TNIP1: variants seen among roughly 807,000 people sequenced by gnomAD.
The protein encoded by TNIP1 is TNFAIP3-interacting protein 1.
TNIP1 carries 22 observed loss-of-function variants against 86.6 expected under a neutral mutation model. The ratio of observed to expected loss-of-function variants is 0.25; its 90% CI spans 0.18 to 0.36. The LOEUF (loss-of-function observed/expected upper bound fraction) is 0.36, where lower values mean the gene tolerates loss of function less well. Among genes scored for constraint, TNIP1 ranks in the 10% least tolerant of loss-of-function variants. The pLI is 1.00. For synonymous variants in TNIP1, 294 were observed against 313.0 expected (o/e 0.94, Z 0.64); for missense variants, 709 against 820.6 (o/e 0.86, Z 1.66).
intron 16 of TNIP1, chr5:151,032,711 G>C (rs1757061437): frequency 3.2e-6 from 1 of 317,056 alleles, no homozygotes; most frequent in Non-Finnish European, 5.9e-6. Context: ...CTGAAAAAGA[G>C]GCCAGCCAGG....
chr5:151,039,030 T>C (rs1251181651), intron 12 of TNIP1, 67 bp downstream of exon 12: 3 of 1,560,546 alleles, frequency 1.9e-6, no homozygotes, highest in Admixed American at 3.7e-5. Flanking sequence ...GGGGTGCCAG[T>C]GATGGGGTGG....
chr5:151,063,208 C>A (rs772734144), intron 3 of TNIP1, among the ~76,000 whole-genome samples: 1 of 152,174 alleles, frequency 6.6e-6, no homozygotes. Context: ...GCGCAGGGCA[C>A]GACCAGGGAG....
chr5:151,068,748 C>CT (rs1285815192), intron 1 of TNIP1, among the ~76,000 whole-genome samples: 1 of 152,178 alleles, frequency 6.6e-6, no homozygotes, highest in Non-Finnish European at 1.5e-5. Flanking sequence ...TGCCCACAGC[C>CT]CATCCTCCAT....
At chr5:151,046,140 G>C (rs1336543554) in intron 8 of TNIP1, 190 bp from the exon 9 acceptor site, 22 of 577,420 alleles carry the variant, frequency 3.8e-5, no homozygotes, top group Non-Finnish European at 6.5e-5. Flanking sequence ...ACAAGATGAT[G>C]ATTCCCCCTC....
At chr5:151,032,133 T>C in intron 17 of TNIP1, 154 bp downstream of exon 17, 1 of 629,810 alleles carries the variant, frequency 1.6e-6, no homozygotes, top group Non-Finnish European at 2.8e-6. Flanking sequence ...ACTCTGTGGT[T>C]GCCATTACTC....
At chr5:151,038,419 C>T (rs906698450) in intron 12 of TNIP1, among the ~76,000 whole-genome samples, 3 of 132,708 alleles carry the variant, frequency 2.3e-5, no homozygotes, top group Non-Finnish European at 3.6e-5. Context: ...GAACTAGAGC[C>T]GTTCCCACCA....
chr5:151,056,895 G>A lies in TNIP1; in HGVS notation c.498C>T (p.Thr166=), dbSNP rs919465551. The A allele has an allele frequency of 3.7e-6, 6 of 1,600,618 alleles. No homozygotes were observed. Among genetic ancestry groups the A allele is most frequent in the Non-Finnish European group, 5.1e-6 (6 of 1,174,270 alleles). ...GCTCCTCGGCACACACACTCAGCGT[G>A]GTCTCCAGGCGCTGCAGGTGCAGCA... is the stretch of plus-strand genomic sequence containing the variant. The part of the protein sequence containing the change: ...NLMLHLQRLE[T]TLSVCAEEPD... Residue 166 remains threonine (T), a synonymous_variant, in exon 6 of 18, where the codon ACC becomes ACT. Coordinates refer to ENST00000521591, the MANE Select transcript of TNIP1 (RefSeq NM_006058.5).
At chr5:151,080,641 C>G (rs1017644396) in intron 1 of TNIP1, among the ~76,000 whole-genome samples, 7 of 152,182 alleles carry the variant, frequency 4.6e-5, no homozygotes, top group African/African-American at 1.7e-4. Context: ...CACGCCGTTC[C>G]CAGGCGTGCT....
Position 151,035,830 on chromosome 5 carries a change from G to T in TNIP1, c.1396-123C>A, listed in dbSNP as rs917225881. On this transcript the variant is annotated intron_variant, in intron 13 of 17. Transcript: ENST00000521591. Reference sequence around the variant, plus strand: ...TGGCAGAGCTGGGGGTCGCCATGGGGAGTGGGACAGCTACACCTCCAGCCT... The same window carrying T: ...TGGCAGAGCTGGGGGTCGCCATGGGTAGTGGGACAGCTACACCTCCAGCCT... The T allele has an allele frequency of 1.5e-5, 19 of 1,247,530 alleles. No homozygotes were observed. In the African/African-American group the frequency reaches 2.7e-4, roughly 18 times the overall value. The allele number at this position is 1,247,530 out of a possible 1,614,324, so 77.3% of individuals were successfully genotyped here. A position where few individuals can be genotyped will look rare whatever the true frequency, so the allele number is the denominator to read the frequency against.
Position 151,056,826 on chromosome 5 carries a change from C to T in TNIP1, c.567G>A (p.Leu189=). The T allele has an allele frequency of 6.3e-7, 1 of 1,595,780 alleles. No individual in the cohort carries two copies. The highest frequency in any genetic ancestry group is 8.5e-7 in the Non-Finnish European group (1 of 1,171,352). The change falls in exon 6 of 18, where the codon CTG becomes CTA. Residue 189 remains leucine, a synonymous_variant. Coordinates refer to ENST00000521591, the MANE Select transcript of TNIP1 (RefSeq NM_006058.5). ...CCTTGGATGCCAGTCGGTTGAACTC[C>T]AGGGCCATGCGGCCCAGGTGGGTGA... The part of the protein sequence containing the change: ...QLFTHLGRMA[L]EFNRLASKVH...
upstream of TNIP1, among the ~76,000 whole-genome samples, chr5:151,082,385 C>G (rs1764088947): frequency 6.6e-6 from 1 of 152,142 alleles, no homozygotes; most frequent in African/African-American, 2.4e-5. Flanking sequence ...TGAGTCTCAC[C>G]ACTGGGGGAT....
Position 151,042,671 on chromosome 5 carries a change from T to A in TNIP1, c.1003A>T (p.Ile335Phe). The change falls in exon 11 of 18, where the codon ATC becomes TTC. Residue 335 changes from isoleucine to phenylalanine, a missense_variant and splice_region_variant. Transcript: ENST00000521591. ...GCCAGCTTCTGACGCAGCTCAGTGA[T>A]CTGGGTTCAGAGGCAGAGAGGAGTG... ...RSMKQQYEQK[I>F]TELRQKLADL... The A allele has an allele frequency of 6.2e-7, 1 of 1,613,864 alleles. No homozygotes were observed. The highest frequency in any genetic ancestry group is 8.5e-7 in the Non-Finnish European group (1 of 1,180,008).
At chr5:151,066,053 A>G (rs1762183714) in intron 1 of TNIP1, among the ~76,000 whole-genome samples, 1 of 152,232 alleles carries the variant, frequency 6.6e-6, no homozygotes, top group Non-Finnish European at 1.5e-5. Flanking sequence ...CGTGCTAGGC[A>G]CCAGTCTGGG....
chr5:151,063,579 G>A, intron 3 of TNIP1, 34 bp downstream of exon 3: 3 of 1,609,846 alleles, frequency 1.9e-6, no homozygotes, highest in Non-Finnish European at 2.5e-6. Flanking sequence ...TTGGGGTACA[G>A]GGAGAGTCAG....
chr5:151,080,698 G>T (rs1216066965), intron 1 of TNIP1, among the ~76,000 whole-genome samples, 182 bp downstream of exon 1: 1 of 152,208 alleles, frequency 6.6e-6, no homozygotes, highest in Non-Finnish European at 1.5e-5. Flanking sequence ...CCAGCGCCAA[G>T]CAGGGAGTAG....
Position 151,042,648 on chromosome 5 carries a change from C to T in TNIP1, c.1026G>A (p.Leu342=), listed in dbSNP as rs1326351581. 6.2e-7 allele frequency: 1 copy of T among 1,613,876 alleles called. No homozygotes were observed. Among genetic ancestry groups the T allele is most frequent in the African/African-American group, 1.3e-5 (1 of 74,946 alleles). The part of the protein sequence containing the change: ...EQKITELRQK[L]ADLQKQVTDL... ...CAGTCACCTGCTTCTGCAAATCAGC[C>T]AGCTTCTGACGCAGCTCAGTGATCT... The change falls in exon 11 of 18, where the codon CTG becomes CTA. Residue 342 remains leucine, a synonymous_variant. Transcript: ENST00000521591.
At chr5:151,070,314 C>T (rs929047164) in intron 1 of TNIP1, among the ~76,000 whole-genome samples, 3 of 152,172 alleles carry the variant, frequency 2.0e-5, no homozygotes, top group Admixed American at 1.3e-4. Flanking sequence ...CAGTAACTAG[C>T]TCAGCATTTG....
intron 16 of TNIP1, 167 bp downstream of exon 16, chr5:151,033,441 C>A: frequency 2.1e-6 from 1 of 468,754 alleles, no homozygotes. Context: ...AGATCCCTGC[C>A]CCTGGGTAGC....
chr5:151,077,971 C>T (rs1198788630), intron 1 of TNIP1, among the ~76,000 whole-genome samples: 1 of 152,196 alleles, frequency 6.6e-6, no homozygotes, highest in Non-Finnish European at 1.5e-5. Context: ...CCACTCTGCA[C>T]TTTGTCATTT....
Sources: gnomAD v4.1 joint callset for allele counts (sites outside exome capture counted in the v4.1 genomes callset) on GRCh38, gnomAD v4.1.1 for gene constraint, MANE v1.5 for transcripts, NCBI Gene and HGNC (gene_info 2026-07-23, HGNC 2026-07-21) for gene names.